Variants in TNR observed in about 807,000 individuals in gnomAD.
TNR encodes tenascin-R.
In TNR, 45 loss-of-function variants were observed where a neutral mutation model predicts 150.4. The observed-to-expected ratio is 0.30, with a 90% CI of 0.24 to 0.38. The LOEUF is 0.38. Among genes scored for constraint, TNR ranks in the 10% least tolerant of loss-of-function variants. The pLI is 1.00. For synonymous variants in TNR, 687 were observed against 678.4 expected (o/e 1.01, Z -0.20); for missense variants, 1,544 against 1,759.1 (o/e 0.88, Z 2.19).
chr1:175,480,320 G>A (rs1291217386), intron 2 of TNR, among the ~76,000 whole-genome samples: 1 of 148,466 alleles, frequency 6.7e-6, no homozygotes. Flanking sequence ...AAGAAAGAAA[G>A]AGAGAGAGAG....
At chr1:175,469,004 A>G (rs1039759118) in intron 2 of TNR, among the ~76,000 whole-genome samples, 1 of 152,154 alleles carries the variant, frequency 6.6e-6, no homozygotes, top group Non-Finnish European at 1.5e-5. Flanking sequence ...AAGTAAAATG[A>G]GCAGAAAATA....
Position 175,599,475 on chromosome 1 carries a change from T to A in TNR, c.-164-71106A>T, listed in dbSNP as rs1340551656. Reference sequence around the variant, plus strand: ...CGAGGAAATGAGAAGACTTGGGGTCTTGCGATCGCCGCCGAGTGACGGAGT... The same window carrying A: ...CGAGGAAATGAGAAGACTTGGGGTCATGCGATCGCCGCCGAGTGACGGAGT... On this transcript the variant is annotated intron_variant, in intron 1 of 22. Transcript: ENST00000367674. The surrounding 1 kb of genome is among the most constrained non-coding windows in gnomAD (Gnocchi z 4.7). Among the ~76,000 whole-genome samples the A allele has an allele frequency of 6.6e-6, 1 of 152,208 alleles. No individual in the cohort carries two copies. Among genetic ancestry groups the A allele is most frequent in the Non-Finnish European group, 1.5e-5 (1 of 68,030 alleles).
chr1:175,697,612 G>A (rs1461016809), intron 1 of TNR, among the ~76,000 whole-genome samples: 1 of 152,052 alleles, frequency 6.6e-6, no homozygotes, highest in African/African-American at 2.4e-5. Flanking sequence ...TTCAAGTCCT[G>A]CAACTGTCTA....
At chr1:175,418,476 C>A (rs1654605686) in intron 2 of TNR, among the ~76,000 whole-genome samples, 1 of 152,134 alleles carries the variant, frequency 6.6e-6, no homozygotes, top group Admixed American at 6.5e-5. Context: ...GTAATCCCAA[C>A]ATTTTGGGAG....
intron 1 of TNR, among the ~76,000 whole-genome samples, chr1:175,696,566 A>G (rs1666532480): frequency 6.6e-6 from 1 of 152,196 alleles, no homozygotes; most frequent in Non-Finnish European, 1.5e-5. Flanking sequence ...ATAGCTCAGT[A>G]CCCATCTGAG....
At chr1:175,475,074 A>G (rs1020818232) in intron 2 of TNR, among the ~76,000 whole-genome samples, 2 of 152,222 alleles carry the variant, frequency 1.3e-5, no homozygotes, top group African/African-American at 2.4e-5. Context: ...ATATAATCCC[A>G]GAGGCCCCCT....
chr1:175,511,038 C>T (rs1048307603), intron 2 of TNR, among the ~76,000 whole-genome samples: 6 of 152,270 alleles, frequency 3.9e-5, no homozygotes, highest in Middle Eastern at 3.4e-3. Flanking sequence ...TGGATGTAAT[C>T]GTTTTGTTAC....
Position 175,721,649 on chromosome 1 carries a change from C to T in TNR, c.-165+21577G>A, listed in dbSNP as rs565441470. 2.6e-5 allele frequency among the ~76,000 whole-genome samples: 4 copies of T among 152,278 alleles called. No individual in the cohort carries two copies. The South Asian group carries it at 8.3e-4, about 32-fold the overall frequency. Reference sequence around the variant, plus strand: ...ACCTTTTTCTCTTACTCACCATGGGCTCCCTCTCACTTCTGCACACCCCTA... The same window carrying T: ...ACCTTTTTCTCTTACTCACCATGGGTTCCCTCTCACTTCTGCACACCCCTA... On this transcript the variant is annotated intron_variant, in intron 1 of 22. Coordinates refer to ENST00000367674, the MANE Select transcript of TNR (RefSeq NM_003285.3).
chr1:175,630,245 G>C (rs966189406), intron 1 of TNR, among the ~76,000 whole-genome samples: 66 of 152,334 alleles, frequency 4.3e-4, no homozygotes, highest in African/African-American at 1.5e-3. Flanking sequence ...TTCTGCTTTA[G>C]AGAGAAGAGC....
Position 175,427,440 on chromosome 1 carries a change from T to A in TNR, c.-63-20663A>T, listed in dbSNP as rs112156893. On this transcript the variant is annotated intron_variant, in intron 2 of 22. Coordinates refer to ENST00000367674, the MANE Select transcript of TNR (RefSeq NM_003285.3). ...ATGAGTGATGTATGTTGCTTTTTTA[T>A]ACTAAGTCTTTGAAATCTGGTATGT... Among the ~76,000 whole-genome samples the A allele has an allele frequency of 9.6e-3, 1,458 of 152,288 alleles. 38 individuals carry two copies. Among genetic ancestry groups the A allele is most frequent in the African/African-American group, 0.033 (1,378 of 41,558 alleles).
chr1:175,399,116 CT>C (rs1225091657), intron 4 of TNR, among the ~76,000 whole-genome samples: 1 of 152,188 alleles, frequency 6.6e-6, no homozygotes, highest in Non-Finnish European at 1.5e-5. Context: ...TTCAGACGAT[CT>C]TAATAGGTGT....
chr1:175,598,118 C>T (rs115945963), intron 1 of TNR, among the ~76,000 whole-genome samples: 3,883 of 152,234 alleles, frequency 0.026, 184 homozygotes, highest in African/African-American at 0.088. Flanking sequence ...AGGCAAGGGA[C>T]CGTCCTTGCA....
chr1:175,366,847 T>C (rs1651861279), intron 10 of TNR, among the ~76,000 whole-genome samples: 1 of 152,216 alleles, frequency 6.6e-6, no homozygotes, highest in Non-Finnish European at 1.5e-5. Flanking sequence ...ACCTCTGTGG[T>C]GTATGCAGGG....
chr1:175,596,078 T>A (rs1031185748), intron 1 of TNR, among the ~76,000 whole-genome samples: 1 of 152,194 alleles, frequency 6.6e-6, no homozygotes, highest in African/African-American at 2.4e-5. Flanking sequence ...ATTGGAAAAT[T>A]CACACTCGTT....
intron 1 of TNR, among the ~76,000 whole-genome samples, chr1:175,611,339 C>CT (rs964895553): frequency 3.3e-5 from 5 of 151,700 alleles, no homozygotes; most frequent in Admixed American, 6.6e-5. Flanking sequence ...CGTTTCTACT[C>CT]TTTTTTTTAA....
intron 18 of TNR, among the ~76,000 whole-genome samples, chr1:175,352,699 G>T (rs950407118): frequency 6.6e-6 from 1 of 152,118 alleles, no homozygotes; most frequent in Admixed American, 6.5e-5. Flanking sequence ...TGTACCCAAG[G>T]TTTATTTTTA....
At chr1:175,361,664 C>T (rs753604885) in intron 14 of TNR, among the ~76,000 whole-genome samples, 1 of 152,138 alleles carries the variant, frequency 6.6e-6, no homozygotes. Flanking sequence ...TGGGAAATAC[C>T]ATTCTCCAGT....
chr1:175,682,527 G>C (rs559356592), intron 1 of TNR, among the ~76,000 whole-genome samples: 4 of 152,224 alleles, frequency 2.6e-5, no homozygotes, highest in Non-Finnish European at 4.4e-5. Flanking sequence ...CAGTCCACTG[G>C]AAGTCCTGAC....
chr1:175,693,480 A>C (rs1475232427), intron 1 of TNR, among the ~76,000 whole-genome samples: 8 of 152,238 alleles, frequency 5.3e-5, no homozygotes, highest in Non-Finnish European at 7.3e-5. Flanking sequence ...CCCCTGTGTC[A>C]CATGTGGGAA....
Sources: gnomAD v4.1 joint callset for allele counts (sites outside exome capture counted in the v4.1 genomes callset) on GRCh38, gnomAD v4.1.1 for gene constraint, Gnocchi (gnomAD v3.1) non-coding constraint, MANE v1.5 for transcripts, NCBI Gene and HGNC (gene_info 2026-07-23, HGNC 2026-07-21) for gene names.